CFAP74: variants seen among roughly 807,000 people sequenced by gnomAD.
The protein encoded by CFAP74 is cilia and flagella associated protein 74, also known as cilia- and flagella-associated protein 74.
In CFAP74, 124 loss-of-function variants were observed where a neutral mutation model predicts 188.9. The observed-to-expected ratio is 0.66, with a 90% CI of 0.57 to 0.76. CFAP74 has a LOEUF of 0.76. CFAP74 is among the 30% of genes least tolerant of loss of function. The probability of loss-of-function intolerance (pLI) is 0.00; values close to 1 mark genes in which losing one functional copy is unlikely to be tolerated. For missense variants in CFAP74, 2,198 were observed against 2,165.2 expected, an observed-to-expected ratio of 1.02 and a Z score of -0.30; for synonymous variants, 956 against 916.7, an observed-to-expected ratio of 1.04 and a Z score of -0.77.
At chr1:1,934,900 C>G (rs113547741) in intron 25 of CFAP74, among the ~76,000 whole-genome samples, 2,409 of 113,202 alleles carry the variant, frequency 0.021, 50 homozygotes, top group Non-Finnish European at 0.03. Context: ...TAGGTACACA[C>G]GTGTGTACGT....
Position 1,940,236 on chromosome 1 carries a change from G to A in CFAP74, c.2703+80C>T, listed in dbSNP as rs183604625. On this transcript the variant is annotated intron_variant, in intron 23 of 38. Coordinates refer to ENST00000682832, the MANE Select transcript of CFAP74 (RefSeq NM_001304360.2). ...TGAGCCCTTTTGGGGGCCCTCGCCC[G>A]GGTGCTGGGCCTGGCCTCCCAGGAA... The A allele has an allele frequency of 1.7e-3, 1,967 of 1,148,854 alleles. 4 individuals are homozygous for A. Among genetic ancestry groups the A allele is most frequent in the Admixed American group, 3.3e-3 (162 of 48,406 alleles). 71.2% of individuals were successfully genotyped at this position (1,148,854 alleles called of 1,614,324 possible). A position where few individuals can be genotyped will look rare whatever the true frequency, so the allele number is the denominator to read the frequency against.
chr1:1,956,540 T>A, intron 17 of CFAP74, 80 bp downstream of exon 17: 2 of 1,549,618 alleles, frequency 1.3e-6, no homozygotes, highest in Non-Finnish European at 1.8e-6. Context: ...ACCCTCATGT[T>A]GTCACCTCTG....
intron 10 of CFAP74, among the ~76,000 whole-genome samples, chr1:1,969,499 G>A (rs994061816): frequency 2.1e-5 from 3 of 145,596 alleles, no homozygotes; most frequent in African/African-American, 2.6e-5. Context: ...TGCCCACTTC[G>A]CAGCCCAGTC....
rs375608063 is a variant in CFAP74, at chr1:1,925,754, G to A, written c.4104+29C>T. On this transcript the variant is annotated intron_variant, in intron 33 of 38. Coordinates refer to ENST00000682832, the MANE Select transcript of CFAP74 (RefSeq NM_001304360.2). ...TGGAAACCCCTCCTGGGAGGCTGGA[G>A]CCAGCACCAGGGCCCACGTGTGCTT... 9 of 1,596,904 alleles carry A rather than the reference G, an allele frequency of 5.6e-6. No individual in the cohort carries two copies. The Admixed American group carries it at 1.0e-4, about 18-fold the overall frequency.
chr1:1,959,017 T>C (rs1265893769), intron 16 of CFAP74, 103 bp downstream of exon 16: 1 of 746,482 alleles, frequency 1.3e-6, no homozygotes, highest in East Asian at 2.6e-5. Flanking sequence ...TTCCACCTGG[T>C]CCCCCCGCCA....
chr1:1,950,557 C>G (rs28571194), intron 18 of CFAP74, among the ~76,000 whole-genome samples: 10,836 of 152,188 alleles, frequency 0.071, 544 homozygotes, highest in South Asian at 0.19. Flanking sequence ...CCAGGCTGGT[C>G]TCAAACTCCT....
intron 5 of CFAP74, among the ~76,000 whole-genome samples, chr1:1,985,979 T>C (rs1466305984): frequency 6.6e-6 from 1 of 152,230 alleles, no homozygotes; most frequent in Non-Finnish European, 1.5e-5. Flanking sequence ...AGTGTGATGC[T>C]GGCCAGAGGT....
chr1:1,995,374 CCCAGCTA>C (rs1371089553), intron 1 of CFAP74, among the ~76,000 whole-genome samples: 1 of 151,724 alleles, frequency 6.6e-6, no homozygotes, highest in East Asian at 1.9e-4. Context: ...TCCCTGTAAT[CCCAGCTA>C]CTTAGGAGGC....
chr1:1,990,066 C>A (rs544154801), intron 2 of CFAP74, among the ~76,000 whole-genome samples: 1 of 152,180 alleles, frequency 6.6e-6, no homozygotes, highest in Non-Finnish European at 1.5e-5. Context: ...CAACTCTTAA[C>A]GTTACTGCCA....
Position 1,963,844 on chromosome 1 carries a change from G to C in CFAP74, c.1599C>G (p.Tyr533Ter), listed in dbSNP as rs1210826111. 1 of 1,613,582 alleles carries C rather than the reference G, an allele frequency of 6.2e-7. No individual in the cohort carries two copies. Among genetic ancestry groups the C allele is most frequent in the South Asian group, 1.1e-5 (1 of 91,048 alleles). The change falls in exon 14 of 39, where the codon TAC becomes TAG. Residue 533 changes from tyrosine (Y) to a stop codon, truncating the protein, a stop_gained. Coordinates refer to ENST00000682832, the MANE Select transcript of CFAP74 (RefSeq NM_001304360.2). LOFTEE classifies it high-confidence loss of function. ...TGTTTACCAACGTGATCTTTTTCTT[G>C]TACACTTTGCCAATATCAAAGTCCT... ...HFQDFDIGKVYKKKITLVNTT... is the reference protein window; with the variant it reads ...HFQDFDIGKV
chr1:1,976,177 C>T (rs1055083259), intron 6 of CFAP74, among the ~76,000 whole-genome samples: 5 of 152,248 alleles, frequency 3.3e-5, no homozygotes, highest in Admixed American at 1.3e-4. Flanking sequence ...AGAGACCCCA[C>T]CTCTTCCTGC....
rs72894764 is a variant in CFAP74 at position 1,964,118 on chromosome 1, C to T, written c.1576-251G>A. On this transcript the variant is annotated intron_variant, in intron 13 of 38. Coordinates refer to ENST00000682832, the MANE Select transcript of CFAP74 (RefSeq NM_001304360.2). ...GGCAGGACAGGGCCTTGCTGGGGCC[C>T]GCAGGTGGGAGTAAGAGAAAAGGCT... Among the ~76,000 whole-genome samples the T allele has an allele frequency of 0.077, 11,790 of 152,222 alleles. 1,358 individuals are homozygous for T. Among genetic ancestry groups the T allele is most frequent in the African/African-American group, 0.25 (10,528 of 41,490 alleles).
chr1:1,939,108 G>A, intron 24 of CFAP74, 120 bp from the exon 25 acceptor site: 1 of 1,086,570 alleles, frequency 9.2e-7, no homozygotes, highest in South Asian at 1.5e-5. Flanking sequence ...GAATGTGAGG[G>A]TGAGAGTGTC....
intron 15 of CFAP74, 138 bp from the exon 16 acceptor site, chr1:1,959,347 A>G (rs1227922677): frequency 8.4e-6 from 4 of 478,992 alleles, no homozygotes; most frequent in Non-Finnish European, 1.1e-5. Flanking sequence ...ACCCCCCTCC[A>G]CCCACCCCCA....
At chr1:1,938,345 C>G (rs1043589303) in intron 25 of CFAP74, among the ~76,000 whole-genome samples, 6 of 151,598 alleles carry the variant, frequency 4.0e-5, no homozygotes, top group African/African-American at 1.5e-4. Flanking sequence ...CACACACACA[C>G]GCTCACTCAC....
intron 6 of CFAP74, among the ~76,000 whole-genome samples, chr1:1,980,487 A>G (rs1198595332): frequency 6.8e-6 from 1 of 146,564 alleles, no homozygotes; most frequent in East Asian, 2.0e-4. Flanking sequence ...CACAGATCGC[A>G]GTGGGCGCCT....
chr1:1,978,464 C>T (rs549590005), intron 6 of CFAP74, among the ~76,000 whole-genome samples: 1 of 152,074 alleles, frequency 6.6e-6, no homozygotes, highest in South Asian at 2.1e-4. Flanking sequence ...TTTTGGGGTC[C>T]CTAGGGCTGA....
chr1:1,938,875 G>T lies in CFAP74; in HGVS notation c.2991C>A (p.Thr997=). Residue 997 remains threonine, a synonymous_variant, in exon 25 of 39, where the codon ACC becomes ACA. Transcript: ENST00000682832. ...TKAEEHRFQL[T]CKSEINRCFK... ...CTCACCGGTTGATCTCAGACTTGCA[G>T]GTCAGTTGGAATCTGTGTTCCTCGG... 2 of 1,536,172 alleles carry T rather than the reference G, an allele frequency of 1.3e-6. No homozygotes were observed. Among genetic ancestry groups the T allele is most frequent in the Non-Finnish European group, 1.7e-6 (2 of 1,146,914 alleles).
Position 1,968,808 on chromosome 1 carries a change from T to C in CFAP74, c.1072A>G (p.Arg358Gly). The C allele has an allele frequency of 6.2e-7, 1 of 1,614,102 alleles. No individual in the cohort carries two copies. The highest frequency in any genetic ancestry group is 8.5e-7 in the Non-Finnish European group (1 of 1,179,964). The change falls in exon 11 of 39, where the codon AGA becomes GGA. Residue 358 changes from arginine to glycine, a missense_variant. Physicochemically the swap from Arg to Gly is moderately radical, Grantham distance 125 (BLOSUM62 -2). Coordinates refer to ENST00000682832, the MANE Select transcript of CFAP74 (RefSeq NM_001304360.2). The surrounding 1 kb of genome is among the most constrained non-coding windows in gnomAD (Gnocchi z 4.3). ...ATCCGACTGATGATCTCCTGCTTTCTGAGCTTCTGCTCCTCCTCAAAGGCC... is the reference window on the plus strand; with the variant it reads ...ATCCGACTGATGATCTCCTGCTTTCCGAGCTTCTGCTCCTCCTCAAAGGCC... ...KRAFEEEQKL[R>G]KQEIISRILK...
Sources: gnomAD v4.1 joint callset for allele counts (sites outside exome capture counted in the v4.1 genomes callset) on GRCh38, gnomAD v4.1.1 for gene constraint, Gnocchi (gnomAD v3.1) non-coding constraint, MANE v1.5 for transcripts, NCBI Gene and HGNC (gene_info 2026-07-23, HGNC 2026-07-21) for gene names.